CROT: variants seen among roughly 807,000 people sequenced by gnomAD.
CROT encodes carnitine O-octanoyltransferase.
Under a neutral mutation model 89.2 loss-of-function variants are expected in CROT, and 84 were observed. The observed-to-expected ratio is 0.94, with a 90% confidence interval of 0.79 to 1.13. The LOEUF (loss-of-function observed/expected upper bound fraction) is 1.13, where lower values mean the gene tolerates loss of function less well. Among genes scored for constraint, CROT ranks in the 50% most tolerant of loss-of-function variants. CROT has a pLI of 0.00. For synonymous variants in CROT, 212 were observed against 239.5 expected (o/e 0.89, Z 1.06); for missense variants, 711 against 727.8 (o/e 0.98, Z 0.27).
chr7:87,396,858 G>A (rs7783929), intron 17 of CROT, among the ~76,000 whole-genome samples: 6,488 of 151,860 alleles, frequency 0.043, 439 homozygotes, highest in African/African-American at 0.15. Flanking sequence ...TTTCATTCTT[G>A]CTTATTATTT....
intron 13 of CROT, among the ~76,000 whole-genome samples, chr7:87,389,336 C>G (rs1309445475): frequency 6.6e-6 from 1 of 152,122 alleles, no homozygotes; most frequent in Non-Finnish European, 1.5e-5. Flanking sequence ...ATGTATATTG[C>G]AGCCCTGTTC....
intron 10 of CROT, among the ~76,000 whole-genome samples, chr7:87,381,605 T>C (rs1807007087): frequency 6.6e-6 from 1 of 152,220 alleles, no homozygotes; most frequent in Admixed American, 6.5e-5. Flanking sequence ...TGACTTCTAG[T>C]AAAAATAGCA....
At position 87,377,165 on chromosome 7, in the gene CROT, C is replaced by A. The variant is rs571151646; in HGVS notation, c.877-184C>A. On this transcript the variant is annotated intron_variant, in intron 9 of 17. Coordinates refer to ENST00000331536, the MANE Select transcript of CROT (RefSeq NM_021151.4). ...TTTTGAGAAGCCCCTAAAGTCAGGG[C>A]CAGAATTACTCTCTCTTGACTTTGC... is the stretch of plus-strand genomic sequence containing the variant. Among the ~76,000 whole-genome samples, 10 of 152,122 alleles carry A rather than the reference C, an allele frequency of 6.6e-5. No individual in the cohort carries two copies. The East Asian group carries it at 1.7e-3, about 26-fold the overall frequency.
At chr7:87,363,704 G>A (rs963643009) in intron 6 of CROT, among the ~76,000 whole-genome samples, 1 of 152,216 alleles carries the variant, frequency 6.6e-6, no homozygotes, top group Non-Finnish European at 1.5e-5. Context: ...AAAGAATGAT[G>A]TGACCAGATT....
Position 87,359,188 on chromosome 7 carries a change from C to T in CROT, c.116-18C>T, listed in dbSNP as rs372806583. On this transcript the variant is annotated intron_variant, in intron 3 of 17. Transcript: ENST00000331536. Reference sequence around the variant, plus strand: ...GGTACTTGGTCTAAATACCTTAATACGTATTTTTCCTTTCTAGTGAAACCA... The same window carrying T: ...GGTACTTGGTCTAAATACCTTAATATGTATTTTTCCTTTCTAGTGAAACCA... The T allele has an allele frequency of 4.4e-4, 664 of 1,497,762 alleles. No individual in the cohort carries two copies. Among genetic ancestry groups the T allele is most frequent in the Middle Eastern group, 1.4e-3 (8 of 5,726 alleles). 92.8% of individuals were successfully genotyped at this position (1,497,762 alleles called of 1,614,324 possible).
At position 87,360,166 on chromosome 7, in the gene CROT, T is replaced by C. The variant is rs1225415755; in HGVS notation, c.240+836T>C. ...TTGTTTATGTCTCTTTCTGAATTACTAATTATAGTTTATAACATCACTTTC... is the reference window on the plus strand; with the variant it reads ...TTGTTTATGTCTCTTTCTGAATTACCAATTATAGTTTATAACATCACTTTC... On this transcript the variant is annotated intron_variant, in intron 4 of 17. Coordinates refer to ENST00000331536, the MANE Select transcript of CROT (RefSeq NM_021151.4). 3.7e-6 allele frequency: 3 copies of C among 818,314 alleles called. No homozygotes were observed. In the African/African-American group the frequency reaches 5.6e-5, roughly 15 times the overall value. 50.7% of individuals were successfully genotyped at this position (818,314 alleles called of 1,614,324 possible). A position where few individuals can be genotyped will look rare whatever the true frequency, so the allele number is the denominator to read the frequency against.
Position 87,375,706 on chromosome 7 carries a change from A to G in CROT, c.731A>G (p.Glu244Gly). The change falls in exon 8 of 18, where the codon GAG (glutamate) becomes GGG (glycine). Residue 244 changes from glutamate to glycine, a missense_variant. Transcript: ENST00000331536. ...GGGATTGCAGCATTAACTAGTGAGG[A>G]GCGAACTCGATGGGCTAAGGTTCTG... Reference protein sequence around the residue: ...GPGIAALTSEERTRWAKAREY... With the variant: ...GPGIAALTSEGRTRWAKAREY... The G allele has an allele frequency of 6.2e-7, 1 of 1,613,540 alleles. No individual in the cohort carries two copies. Among genetic ancestry groups the G allele is most frequent in the Non-Finnish European group, 8.5e-7 (1 of 1,179,528 alleles).
rs549019215 is a variant in CROT at position 87,369,468 on chromosome 7, C to A, written c.640C>A (p.Pro214Thr). Residue 214 changes from proline (P) to threonine (T), a missense_variant, in exon 7 of 18, where the codon CCG (proline) becomes ACG (threonine). Coordinates refer to ENST00000331536, the MANE Select transcript of CROT (RefSeq NM_021151.4). ...DVIHEGCLVT[P>T]PELLRQLTYI... ...AATACATGAAGGATGTTTGGTCACC[C>A]CGCCAGAGCTTCTCAGGTTTTCAGA... is the stretch of plus-strand genomic sequence containing the variant. 3 of 1,610,968 alleles carry A rather than the reference C, an allele frequency of 1.9e-6. No individual in the cohort carries two copies. The highest frequency in any genetic ancestry group is 2.7e-5 in the African/African-American group (2 of 75,008).
At chr7:87,372,951 T>C (rs989530792) in intron 7 of CROT, among the ~76,000 whole-genome samples, 1 of 152,138 alleles carries the variant, frequency 6.6e-6, no homozygotes, top group African/African-American at 2.4e-5. Context: ...TGTATACAGG[T>C]TTTCATGTAA....
intron 17 of CROT, among the ~76,000 whole-genome samples, chr7:87,394,142 A>C (rs1807450822): frequency 6.6e-6 from 1 of 152,212 alleles, no homozygotes; most frequent in African/African-American, 2.4e-5. Context: ...GTTTTCAATC[A>C]TAATTGCATT....
intron 4 of CROT, chr7:87,359,653 C>T (rs376007371): frequency 9.3e-7 from 1 of 1,075,392 alleles, no homozygotes. Flanking sequence ...ACATTTTGTC[C>T]AGGTGACTAG....
intron 13 of CROT, among the ~76,000 whole-genome samples, chr7:87,389,860 A>G (rs39606): frequency 0.87 from 132,794 of 152,260 alleles, 58,057 homozygotes; most frequent in Middle Eastern, 0.94. Context: ...CTTGCCAGAA[A>G]CTAGCTCATC....
intron 6 of CROT, among the ~76,000 whole-genome samples, chr7:87,368,189 G>GC (rs1806509613): frequency 6.6e-6 from 1 of 152,124 alleles, no homozygotes; most frequent in African/African-American, 2.4e-5. Context: ...CACTTCTGCG[G>GC]GTATTTACAT....
intron 7 of CROT, among the ~76,000 whole-genome samples, chr7:87,372,907 A>AATAGTAAATT (rs1554391591): frequency 6.6e-6 from 1 of 152,178 alleles, no homozygotes; most frequent in Non-Finnish European, 1.5e-5. Context: ...ATAATAGACA[A>AATAGTAAATT]ATAGTAAATT....
At chr7:87,361,261 C>A in intron 4 of CROT, 129 bp from the exon 5 acceptor site, 1 of 965,340 alleles carries the variant, frequency 1.0e-6, no homozygotes, top group Non-Finnish European at 1.5e-6. Context: ...CCTCACCCAG[C>A]CAAAAAACAT....
intron 6 of CROT, among the ~76,000 whole-genome samples, chr7:87,368,016 A>C (rs548031599): frequency 2.0e-5 from 3 of 152,264 alleles, no homozygotes; most frequent in East Asian, 1.9e-4. Flanking sequence ...CCTTCCCATC[A>C]TACTGGAAAC....
intron 6 of CROT, among the ~76,000 whole-genome samples, chr7:87,368,779 T>C (rs1806531633): frequency 6.6e-6 from 1 of 152,156 alleles, no homozygotes; most frequent in African/African-American, 2.4e-5. Context: ...ATCAGAATAG[T>C]CTGAGGTTTA....
Position 87,391,569 on chromosome 7 carries a change from C to T in CROT, c.1302-20C>T. The T allele has an allele frequency of 6.3e-7, 1 of 1,582,608 alleles. No individual in the cohort carries two copies. Among genetic ancestry groups the T allele is most frequent in the Non-Finnish European group, 8.5e-7 (1 of 1,170,922 alleles). The stretch of plus-strand genomic sequence containing the variant: ...AGCATTTTCTTTCTTATGATACACT[C>T]TTTTAATTTTTTCTTGTAGCCCTGG... On this transcript the variant is annotated intron_variant, in intron 13 of 17. Coordinates refer to ENST00000331536, the MANE Select transcript of CROT (RefSeq NM_021151.4).
At chr7:87,359,907 G>A (rs984076941) in intron 4 of CROT, 1 of 985,166 alleles carries the variant, frequency 1.0e-6, no homozygotes, top group African/African-American at 1.7e-5. Flanking sequence ...ATGAATCAGA[G>A]GATGAGGTTG....
Sources: gnomAD v4.1 joint callset for allele counts (sites outside exome capture counted in the v4.1 genomes callset) on GRCh38, gnomAD v4.1.1 for gene constraint, MANE v1.5 for transcripts, NCBI Gene and HGNC (gene_info 2026-07-23, HGNC 2026-07-21) for gene names.